The following ACAN variants were observed in gnomAD, a reference collection of about 807,000 sequenced individuals.
ACAN encodes the protein aggrecan, also known as aggrecan core protein.
In ACAN, 47 loss-of-function variants were observed where a neutral mutation model predicts 169.1. The observed-to-expected ratio is 0.28, with a 90% confidence interval of 0.22 to 0.35. The LOEUF is 0.35. Among genes scored for constraint, ACAN ranks in the 10% least tolerant of loss-of-function variants. The probability of loss-of-function intolerance (pLI) is 1.00; values close to 1 mark genes in which losing one functional copy is unlikely to be tolerated. For synonymous variants in ACAN, 1,115 were observed against 1,112.2 expected, an observed-to-expected ratio of 1.00 and a Z score of -0.05; for missense variants, 2,716 against 2,759.9, an observed-to-expected ratio of 0.98 and a Z score of 0.36.
At chr15:88,827,688 C>T (rs1264874996) in intron 1 of ACAN, among the ~76,000 whole-genome samples, 1 of 152,206 alleles carries the variant, frequency 6.6e-6, no homozygotes, top group Non-Finnish European at 1.5e-5. Context: ...ATACACAATG[C>T]AGGTGTTCTT....
intron 1 of ACAN, among the ~76,000 whole-genome samples, chr15:88,808,503 A>G (rs1223431740): frequency 6.6e-6 from 1 of 152,164 alleles, no homozygotes; most frequent in Non-Finnish European, 1.5e-5. Flanking sequence ...GACTGTAACC[A>G]ACCTGAACCT....
intron 1 of ACAN, among the ~76,000 whole-genome samples, chr15:88,804,747 C>T (rs553509970): frequency 2.0e-5 from 3 of 152,280 alleles, no homozygotes; most frequent in East Asian, 1.9e-4. Context: ...CATCATTATC[C>T]TCCTTTCAGT....
rs765394408 is a variant in ACAN, at chr15:88,849,712, C to A, written c.2007C>A (p.His669Gln). 3 of 1,613,830 alleles carry A rather than the reference C, an allele frequency of 1.9e-6. No individual in the cohort carries two copies. The highest frequency in any genetic ancestry group is 2.2e-5 in the East Asian group (1 of 44,882). Reference sequence around the variant, plus strand: ...GCCTCCCAGACCCACTGTCCCGGCACCATGCCTTCTGCTTCCGAGGTATGC... The same window carrying A: ...GCCTCCCAGACCCACTGTCCCGGCAACATGCCTTCTGCTTCCGAGGTATGC... ...QTGLPDPLSR[H>Q]HAFCFRGISA... The change falls in exon 10 of 19, where the codon CAC becomes CAA. Residue 669 changes from histidine to glutamine, a missense_variant. This residue lies in a region of ACAN where 1,283 missense variants were observed against 1,281.5 expected (regional missense o/e 1.00). Coordinates refer to ENST00000560601, the MANE Select transcript of ACAN (RefSeq NM_001369268.1). This position sits in a 1 kb window ranked among gnomAD's most constrained non-coding sequence, Gnocchi z 5.1.
intron 1 of ACAN, among the ~76,000 whole-genome samples, chr15:88,811,093 G>T (rs983577848): frequency 6.6e-6 from 1 of 152,136 alleles, no homozygotes; most frequent in Non-Finnish European, 1.5e-5. Context: ...CTCCAAGGTG[G>T]TTTGTATAGA....
chr15:88,865,579 A>G (rs1372002207), intron 13 of ACAN, among the ~76,000 whole-genome samples: 2 of 152,196 alleles, frequency 1.3e-5, no homozygotes, highest in Non-Finnish European at 2.9e-5. Context: ...CTTGGCTCAC[A>G]GGAGGTTCTT....
chr15:88,858,890 A>T lies in ACAN; in HGVS notation c.6305A>T (p.Glu2102Val). ...EVSSVPESSS[E>V]TSAYPEAGFG... ...TCATCAGTCCCAGAATCTAGCAGTGAGACGTCCGCCTATCCTGAAGCTGGG... is the reference window on the plus strand; with the variant it reads ...TCATCAGTCCCAGAATCTAGCAGTGTGACGTCCGCCTATCCTGAAGCTGGG... The change falls in exon 12 of 19, where the codon GAG (glutamate) becomes GTG (valine). Residue 2102 changes from glutamate to valine, a missense_variant. By Grantham distance (121) the Glu-to-Val change is moderately radical. This residue lies in a region of ACAN where 1,389 missense variants were observed against 1,363.7 expected (regional missense o/e 1.02). Transcript: ENST00000560601. The surrounding 1 kb of genome is among the most constrained non-coding windows in gnomAD (Gnocchi z 4.0). The T allele has an allele frequency of 6.2e-7, 1 of 1,609,722 alleles. No individual in the cohort carries two copies. Among genetic ancestry groups the T allele is most frequent in the East Asian group, 2.2e-5 (1 of 44,812 alleles).
chr15:88,847,393 G>T lies in ACAN; in HGVS notation c.1580G>T (p.Gly527Val). The change falls in exon 8 of 19, where the codon GGC (glycine) becomes GTC (valine). Residue 527 changes from glycine (G) to valine (V), a missense_variant. Gly to Val is a moderately radical substitution (Grantham distance 109, BLOSUM62 -3). Coordinates refer to ENST00000560601, the MANE Select transcript of ACAN (RefSeq NM_001369268.1). ...GCAGGCTATGAGCAGTGTGACGCCGGCTGGCTGCGGGACCAGACCGTCAGG... is the reference window on the plus strand; with the variant it reads ...GCAGGCTATGAGCAGTGTGACGCCGTCTGGCTGCGGGACCAGACCGTCAGG... Reference protein sequence around the residue: ...YEAGYEQCDAGWLRDQTVRYP... With the variant: ...YEAGYEQCDAVWLRDQTVRYP... 6.3e-7 allele frequency: 1 copy of T among 1,581,842 alleles called. No individual in the cohort carries two copies. The highest frequency in any genetic ancestry group is 1.1e-5 in the South Asian group (1 of 86,988).
In ACAN at chr15:88,860,448, C is replaced by A; in HGVS notation, c.6946+9C>A. On this transcript the variant is annotated intron_variant, in intron 13 of 18. Coordinates refer to ENST00000560601, the MANE Select transcript of ACAN (RefSeq NM_001369268.1). Reference sequence around the variant, plus strand: ...CGAGCACTGTAACATAGGTAAGGCCCTCATTGGCCGTGGAGAGTGAGGGCG... The same window carrying A: ...CGAGCACTGTAACATAGGTAAGGCCATCATTGGCCGTGGAGAGTGAGGGCG... 1 of 1,609,478 alleles carries A rather than the reference C, an allele frequency of 6.2e-7. No individual in the cohort carries two copies. The highest frequency in any genetic ancestry group is 1.1e-5 in the South Asian group (1 of 90,556).
chr15:88,806,434 C>A (rs1486814025), intron 1 of ACAN, among the ~76,000 whole-genome samples: 2 of 151,862 alleles, frequency 1.3e-5, no homozygotes, highest in African/African-American at 4.8e-5. Context: ...TCACTGCAAC[C>A]TCCGCCTCCC....
chr15:88,842,341 G>C (rs1427737483), intron 5 of ACAN, among the ~76,000 whole-genome samples: 2 of 152,176 alleles, frequency 1.3e-5, no homozygotes, highest in African/African-American at 4.8e-5. Context: ...TTCTTGGACA[G>C]AGCTGGGGGC....
At chr15:88,818,457 G>A (rs1312928019) in intron 1 of ACAN, among the ~76,000 whole-genome samples, 2 of 152,228 alleles carry the variant, frequency 1.3e-5, no homozygotes, top group Non-Finnish European at 2.9e-5. Context: ...CAGTGAGCCA[G>A]AGACAAGAGA....
intron 1 of ACAN, among the ~76,000 whole-genome samples, chr15:88,825,949 C>G (rs188083072): frequency 6.6e-6 from 1 of 152,192 alleles, no homozygotes; most frequent in Admixed American, 6.5e-5. Context: ...CTCGGACTGG[C>G]AGTGGCAGAA....
In ACAN at chr15:88,858,812, C is replaced by A; in HGVS notation, c.6227C>A (p.Ala2076Asp). ...LFESSGKVSTAGDISGATPVL... is the reference protein window; with the variant it reads ...LFESSGKVSTDGDISGATPVL... ...GAGTCCAGTGGAAAAGTCTCCACAG[C>A]TGGGGACATTAGTGGAGCTACCCCA... is the stretch of plus-strand genomic sequence containing the variant. The change falls in exon 12 of 19, where the codon GCT becomes GAT. Residue 2076 changes from alanine to aspartate, a missense_variant. Transcript: ENST00000560601. The surrounding 1 kb of genome is among the most constrained non-coding windows in gnomAD (Gnocchi z 4.0). 6.2e-7 allele frequency: 1 copy of A among 1,613,886 alleles called. No homozygotes were observed. Among genetic ancestry groups the A allele is most frequent in the Non-Finnish European group, 8.5e-7 (1 of 1,179,872 alleles).
rs1275431493 is a variant in ACAN at position 88,809,700 on chromosome 15, G to A, written c.-8+5891G>A. Among the ~76,000 whole-genome samples the A allele has an allele frequency of 1.1e-4, 16 of 152,168 alleles. No individual in the cohort carries two copies. The East Asian group carries it at 1.4e-3, about 13-fold the overall frequency. On this transcript the variant is annotated intron_variant, in intron 1 of 18. Transcript: ENST00000560601. ...ACGTGCTGCATCAGGTTGCAGCACC[G>A]GGCAGCTGCATCCTCCAGAGAGCAC...
intron 1 of ACAN, among the ~76,000 whole-genome samples, chr15:88,830,532 T>C (rs1345209573): frequency 6.6e-6 from 1 of 151,914 alleles, no homozygotes; most frequent in African/African-American, 2.4e-5. Context: ...TACTGTATTT[T>C]TACTGTACCT....
rs768804104 is a variant in ACAN at position 88,841,857 on chromosome 15, G to C, written c.747G>C (p.Glu249Asp). The C allele has an allele frequency of 1.9e-6, 3 of 1,612,346 alleles. No homozygotes were observed. Among genetic ancestry groups the C allele is most frequent in the Admixed American group, 3.3e-5 (2 of 59,728 alleles). The change falls in exon 5 of 19, where the codon GAG becomes GAC. Residue 249 changes from glutamate (E) to aspartate (D), a missense_variant. By Grantham distance (45) the Glu-to-Asp change is conservative. This residue lies in a region of ACAN where 1,283 missense variants were observed against 1,281.5 expected (regional missense o/e 1.00). Coordinates refer to ENST00000560601, the MANE Select transcript of ACAN (RefSeq NM_001369268.1). ...CCTATGATGTGTACTGCTTCGCCGA[G>C]GAGATGGAGGGTGAGCTGCCCTGCC... Reference protein sequence around the residue: ...NETYDVYCFAEEMEGEVFYAT... With the variant: ...NETYDVYCFADEMEGEVFYAT...
Position 88,855,443 on chromosome 15 carries a change from A to T in ACAN, c.2858A>T (p.Asp953Val), listed in dbSNP as rs774530122. 1.3e-5 allele frequency: 21 copies of T among 1,613,746 alleles called. No homozygotes were observed. The South Asian group carries it at 1.8e-4, about 13-fold the overall frequency. The change falls in exon 12 of 19, where the codon GAT becomes GTT. Residue 953 changes from aspartate to valine, a missense_variant. By Grantham distance (152) the Asp-to-Val change is radical. Around this residue, in one of 3 missense-constraint regions of ACAN, gnomAD observed 1,283 missense variants for 1,281.5 expected, o/e 1.00. Coordinates refer to ENST00000560601, the MANE Select transcript of ACAN (RefSeq NM_001369268.1). ...GAGGGCTCTGCCTCTGGAGTTGGGGATCTCAGTGGACTTCCTTCTGGAGAA... is the reference window on the plus strand; with the variant it reads ...GAGGGCTCTGCCTCTGGAGTTGGGGTTCTCAGTGGACTTCCTTCTGGAGAA... ...ILEGSASGVG[D>V]LSGLPSGEVL...
chr15:88,863,766 T>C (rs889180765), intron 13 of ACAN, among the ~76,000 whole-genome samples: 2 of 152,226 alleles, frequency 1.3e-5, no homozygotes, highest in Non-Finnish European at 2.9e-5. Flanking sequence ...GAGAAAGAAA[T>C]GTTTTCAAAG....
intron 13 of ACAN, among the ~76,000 whole-genome samples, chr15:88,867,698 C>T (rs1269279989): frequency 6.6e-6 from 1 of 152,198 alleles, no homozygotes; most frequent in Non-Finnish European, 1.5e-5. Flanking sequence ...CAGACCATTT[C>T]GAGGTCATTC....
Sources: gnomAD v4.1 joint callset for allele counts (sites outside exome capture counted in the v4.1 genomes callset) on GRCh38, gnomAD v4.1.1 for gene constraint, gnomAD v4.1.1 regional missense constraint, Gnocchi (gnomAD v3.1) non-coding constraint, MANE v1.5 for transcripts, NCBI Gene and HGNC (gene_info 2026-07-23, HGNC 2026-07-21) for gene names.